Variants in CCT8 observed in about 807,000 individuals in gnomAD.
The protein encoded by CCT8 is T-complex protein 1 subunit theta.
CCT8 carries 10 observed loss-of-function variants against 65.7 expected under a neutral mutation model. The observed-to-expected ratio is 0.15, with a 90% CI of 0.09 to 0.26. The LOEUF is 0.26. CCT8 is among the 10% of genes least tolerant of loss of function. CCT8 has a pLI of 1.00. For missense variants in CCT8, 568 were observed against 669.1 expected, an observed-to-expected ratio of 0.85 and a Z score of 1.67; for synonymous variants, 199 against 221.8, an observed-to-expected ratio of 0.90 and a Z score of 0.92.
intron 6 of CCT8, among the ~76,000 whole-genome samples, chr21:29,066,079 C>T (rs1387349933): frequency 7.3e-5 from 2 of 27,238 alleles, no homozygotes; most frequent in Non-Finnish European, 1.3e-4. Context: ...CAGACTCCAT[C>T]TCAAAAAAAA....
At chr21:29,072,431 T>C (rs1254845637) in intron 1 of CCT8, among the ~76,000 whole-genome samples, 2 of 152,224 alleles carry the variant, frequency 1.3e-5, no homozygotes, top group African/African-American at 4.8e-5. Context: ...TGTTTTGTGA[T>C]ACACGAGTTT....
intron 6 of CCT8, among the ~76,000 whole-genome samples, chr21:29,065,789 A>G (rs1384336426): frequency 6.6e-6 from 1 of 152,254 alleles, no homozygotes; most frequent in African/African-American, 2.4e-5. Context: ...ACACAAAAAA[A>G]TTAGTATTTT....
chr21:29,065,051 T>G lies in CCT8; in HGVS notation c.679A>C (p.Thr227Pro). Residue 227 changes from threonine to proline, a missense_variant, in exon 7 of 15, where the codon ACC (threonine) becomes CCC (proline). Coordinates refer to ENST00000286788, the MANE Select transcript of CCT8 (RefSeq NM_006585.4). ...VLHGMVFKKE[T>P]EGDVTSVKDA... is the part of the protein sequence containing the mutation. ...TTGACAGATGTTACATCACCTTCGG[T>G]TTCCTTCTTAAAAACCATGCCATGC... 6.2e-7 allele frequency: 1 copy of G among 1,613,996 alleles called. No homozygotes were observed. Among genetic ancestry groups the G allele is most frequent in the Non-Finnish European group, 8.5e-7 (1 of 1,179,920 alleles).
rs1330036090 is a variant in CCT8, at chr21:29,056,499, G to A, written c.1623C>T (p.Asp541=). The change falls in exon 15 of 15, where the codon GAC becomes GAT. Residue 541 remains aspartate (D), a synonymous_variant. Transcript: ENST00000286788. The stretch of plus-strand genomic sequence containing the variant: ...TTCAATCATTTTGGTCATCATCCCA[G>A]TCTTTCTTCCCACTTGGAGGCTTGG... ...GGPKPPSGKK[D]WDDDQND is the part of the protein sequence containing the mutation. 1.3e-6 allele frequency: 2 copies of A among 1,537,810 alleles called. No homozygotes were observed. The highest frequency in any genetic ancestry group is 2.5e-5 in the South Asian group (2 of 79,278).
At chr21:29,065,882 A>G (rs756856924) in intron 6 of CCT8, among the ~76,000 whole-genome samples, 6 of 152,114 alleles carry the variant, frequency 3.9e-5, no homozygotes, top group South Asian at 4.1e-4. Flanking sequence ...GGAGTTCGAG[A>G]CCAGCCTGGC....
chr21:29,072,924 G>A (rs1783899114), intron 1 of CCT8, among the ~76,000 whole-genome samples: 2 of 152,186 alleles, frequency 1.3e-5, no homozygotes, highest in Non-Finnish European at 2.9e-5. Flanking sequence ...TAAAGACGAA[G>A]GAAACAAAAC....
At chr21:29,061,681 T>TA in intron 11 of CCT8, 114 bp from the exon 12 acceptor site, 3 of 1,050,756 alleles carry the variant, frequency 2.9e-6, no homozygotes, top group East Asian at 2.5e-5. Flanking sequence ...CAGGAGTTTT[T>TA]ATCAGTCATT....
intron 6 of CCT8, among the ~76,000 whole-genome samples, chr21:29,066,397 G>A (rs760709088): frequency 9.2e-5 from 14 of 152,158 alleles, no homozygotes; most frequent in Middle Eastern, 6.8e-3. Flanking sequence ...AAAATTAGCC[G>A]GGTGTGGTGG....
intron 4 of CCT8, 132 bp downstream of exon 4, chr21:29,067,424 A>G (rs555040540): frequency 3.3e-6 from 2 of 606,202 alleles, no homozygotes; most frequent in Non-Finnish European, 5.2e-6. Flanking sequence ...CATATGTACT[A>G]TAATGGCTGG....
intron 1 of CCT8, among the ~76,000 whole-genome samples, chr21:29,072,945 T>C (rs1005036038): frequency 1.3e-5 from 2 of 152,176 alleles, no homozygotes; most frequent in Non-Finnish European, 2.9e-5. Flanking sequence ...CCAAGAAAGT[T>C]ACATTTTAGA....
At position 29,065,335 on chromosome 21, in the gene CCT8, A is replaced by G. The variant is rs999455332; in HGVS notation, c.625-230T>C. ...TTAGGGAGGGGAGGTCCTTCCATGTACTGGGAAGAACCAAAGGCAGAGAAC... is the reference window on the plus strand; with the variant it reads ...TTAGGGAGGGGAGGTCCTTCCATGTGCTGGGAAGAACCAAAGGCAGAGAAC... On this transcript the variant is annotated intron_variant, in intron 6 of 14. Transcript: ENST00000286788. Among the ~76,000 whole-genome samples, 5 of 152,304 alleles carry G rather than the reference A, an allele frequency of 3.3e-5. 1 individual carries two copies. The South Asian group carries it at 1.0e-3, about 32-fold the overall frequency.
Position 29,059,137 on chromosome 21 carries a change from T to C in CCT8, c.1569+1404A>G, listed in dbSNP as rs558541369. 1.8e-4 allele frequency among the ~76,000 whole-genome samples: 27 copies of C among 152,322 alleles called. No homozygotes were observed. In the South Asian group the frequency reaches 5.6e-3, roughly 32 times the overall value. On this transcript the variant is annotated intron_variant, in intron 14 of 14. Transcript: ENST00000286788. ...GTTGATACTATTTTGGGACCATACTTTGAGAACTAGTGAAATAGACATTCC... is the reference window on the plus strand; with the variant it reads ...GTTGATACTATTTTGGGACCATACTCTGAGAACTAGTGAAATAGACATTCC...
At chr21:29,069,311 G>T in intron 3 of CCT8, 112 bp downstream of exon 3, 1 of 545,604 alleles carries the variant, frequency 1.8e-6, no homozygotes. Context: ...AAATTTTCAA[G>T]CTGGAAAAAT....
At chr21:29,065,336 C>G (rs1176093982) in intron 6 of CCT8, among the ~76,000 whole-genome samples, 1 of 152,170 alleles carries the variant, frequency 6.6e-6, no homozygotes, top group Non-Finnish European at 1.5e-5. Context: ...CTTCCATGTA[C>G]TGGGAAGAAC....
At chr21:29,064,409 TAA>T (rs34760776) in intron 7 of CCT8, among the ~76,000 whole-genome samples, 1,407 of 26,642 alleles carry the variant, frequency 0.053, 9 homozygotes, top group Middle Eastern at 0.14. Context: ...AGCAAGACTC[TAA>T]AAAAAAAAAA....
At chr21:29,058,406 ACTCCAGC>A (rs1302071432) in intron 14 of CCT8, among the ~76,000 whole-genome samples, 3 of 151,662 alleles carry the variant, frequency 2.0e-5, no homozygotes, top group African/African-American at 7.3e-5. Flanking sequence ...ACACCACTGC[ACTCCAGC>A]CTGGTGACAG....
chr21:29,072,140 ACTGAGCTAAGAGTT>A, intron 1 of CCT8: 2 of 599,056 alleles, frequency 3.3e-6, no homozygotes, highest in South Asian at 4.1e-5. Flanking sequence ...CTCACTAAGC[ACTGAGCTAAGAGTT>A]CTTCCCTAAA....
chr21:29,060,975 T>A (rs143282590), intron 13 of CCT8, among the ~76,000 whole-genome samples: 149 of 152,348 alleles, frequency 9.8e-4, no homozygotes, highest in Middle Eastern at 3.4e-3. Flanking sequence ...AGTGTATTTT[T>A]AAATGTCTTT....
chr21:29,061,552 G>A lies in CCT8; in HGVS notation c.1228C>T (p.Pro410Ser). The A allele has an allele frequency of 2.5e-6, 4 of 1,613,576 alleles. No individual in the cohort carries two copies. Among genetic ancestry groups the A allele is most frequent in the Middle Eastern group, 1.7e-4 (1 of 6,050 alleles). ...TCAATTTCTGTTGCTCCACCTCCGG[G>A]TACAAGACGTTTATCCTGTATGTAG... ...KVLTRDKRLV[P>S]GGGATEIELA... Residue 410 changes from proline (P) to serine (S), a missense_variant, in exon 12 of 15, where the codon CCC (proline) becomes TCC (serine). Physicochemically the swap from Pro to Ser is moderately conservative, Grantham distance 74. Transcript: ENST00000286788.
Sources: gnomAD v4.1 joint callset for allele counts (sites outside exome capture counted in the v4.1 genomes callset) on GRCh38, gnomAD v4.1.1 for gene constraint, MANE v1.5 for transcripts, NCBI Gene and HGNC (gene_info 2026-07-23, HGNC 2026-07-21) for gene names.